MED12L: variants seen among roughly 807,000 people sequenced by gnomAD.
MED12L encodes mediator of RNA polymerase II transcription subunit 12-like protein.
In MED12L, 60 loss-of-function variants were observed where a neutral mutation model predicts 281.3. The ratio of observed to expected loss-of-function variants is 0.21; its 90% CI spans 0.17 to 0.26. MED12L has a LOEUF of 0.26. MED12L is among the 10% of genes least tolerant of loss of function. The pLI, the probability that MED12L is intolerant of heterozygous loss-of-function variation, is 1.00. For missense variants in MED12L, 2,146 were observed against 2,680.9 expected (o/e 0.80, Z 4.41); for synonymous variants, 974 against 987.2 (o/e 0.99, Z 0.25).
At chr3:151,400,855 C>G (rs1351423480) in intron 39 of MED12L, among the ~76,000 whole-genome samples, 3 of 152,164 alleles carry the variant, frequency 2.0e-5, no homozygotes, top group Non-Finnish European at 4.4e-5. Flanking sequence ...GTAATAATCA[C>G]TAATGCACTT....
intron 16 of MED12L, among the ~76,000 whole-genome samples, chr3:151,257,069 C>G (rs1005894507): frequency 6.6e-6 from 1 of 152,018 alleles, no homozygotes; most frequent in African/African-American, 2.4e-5. Context: ...TTCTGAGATA[C>G]AAGAAATGGT....
chr3:151,214,010 C>T (rs200825542), intron 16 of MED12L: 136 of 1,613,940 alleles, frequency 8.4e-5, no homozygotes, highest in Non-Finnish European at 1.0e-4. Context: ...TACATGTTGA[C>T]GTAGAAGAGC....
intron 16 of MED12L, 127 bp from the exon 17 acceptor site, chr3:151,349,932 G>T: frequency 2.9e-6 from 2 of 681,138 alleles, no homozygotes. Flanking sequence ...GAGGTGAATT[G>T]AAGGGAGGGC....
At chr3:151,295,155 C>T in intron 16 of MED12L, 1 of 1,613,202 alleles carries the variant, frequency 6.2e-7, no homozygotes, top group Non-Finnish European at 8.5e-7. Flanking sequence ...GTGTTCTTTC[C>T]TGGCCCGTCG....
At position 151,240,113 on chromosome 3, in the gene MED12L, C is replaced by T. The variant is rs540414393; in HGVS notation, c.2250+46447C>T. ...GCCCCTGACCTGTAATTCCAGGCTC[C>T]ATAACTGTCAGGACCATTGTTCTGG... is the stretch of plus-strand genomic sequence containing the variant. On this transcript the variant is annotated intron_variant, in intron 16 of 44. Transcript: ENST00000687756. Among the ~76,000 whole-genome samples, 5 of 152,026 alleles carry T rather than the reference C, an allele frequency of 3.3e-5. No homozygotes were observed. In the East Asian group the frequency reaches 9.7e-4, roughly 29 times the overall value.
At chr3:151,355,006 A>G (rs1231378583) in intron 17 of MED12L, 115 bp from the exon 18 acceptor site, 6 of 745,618 alleles carry the variant, frequency 8.0e-6, no homozygotes, top group Admixed American at 4.9e-5. Context: ...ATTGAAATTC[A>G]TAGAATTTGT....
chr3:151,355,467 C>T (rs545585778), intron 18 of MED12L, among the ~76,000 whole-genome samples: 1 of 152,084 alleles, frequency 6.6e-6, no homozygotes, highest in African/African-American at 2.4e-5. Flanking sequence ...TAATCGGTGA[C>T]ATATAAAGTA....
chr3:151,116,013 G>A (rs1167755355), intron 2 of MED12L, among the ~76,000 whole-genome samples: 3 of 142,010 alleles, frequency 2.1e-5, no homozygotes, highest in East Asian at 4.2e-4. Context: ...GCAGTAAGCC[G>A]AGATTGCGCC....
intron 2 of MED12L, among the ~76,000 whole-genome samples, chr3:151,109,322 G>A (rs1711519475): frequency 6.6e-6 from 1 of 152,214 alleles, no homozygotes; most frequent in African/African-American, 2.4e-5. Context: ...CTCCCAAAGT[G>A]CGTGAGCCAC....
Position 151,185,454 on chromosome 3 carries a change from A to C in MED12L, c.1619A>C (p.Glu540Ala). 1 of 1,613,860 alleles carries C rather than the reference A, an allele frequency of 6.2e-7. No individual in the cohort carries two copies. The highest frequency in any genetic ancestry group is 8.5e-7 in the Non-Finnish European group (1 of 1,179,892). Residue 540 changes from glutamate (E) to alanine (A), a missense_variant, in exon 12 of 45, where the codon GAG (glutamate) becomes GCG (alanine). Around this residue, in one of 9 missense-constraint regions of MED12L, gnomAD observed 722 missense variants for 861.2 expected, o/e 0.84. Coordinates refer to ENST00000687756, the MANE Select transcript of MED12L (RefSeq NM_001393769.1). ...CTGGAGAAGAGGCAAGCAGAAATTG[A>C]GGCAGAGGTAGGTTCCATTTTCTTT... The part of the protein sequence containing the change: ...KLLEKRQAEI[E>A]AERCGESEVL...
intron 4 of MED12L, among the ~76,000 whole-genome samples, chr3:151,125,327 C>G (rs1714342832): frequency 6.6e-6 from 1 of 152,222 alleles, no homozygotes; most frequent in Non-Finnish European, 1.5e-5. Context: ...TGATTTGCAT[C>G]AGCCAGTTCT....
At chr3:151,129,703 AT>A (rs564032444) in intron 5 of MED12L, among the ~76,000 whole-genome samples, 232 of 132,252 alleles carry the variant, frequency 1.8e-3, no homozygotes, top group Non-Finnish European at 3.1e-3. Flanking sequence ...ATATTTCTTC[AT>A]ATATCTACAT....
rs111548897 is a variant in MED12L at position 151,384,970 on chromosome 3, T to C, written c.4927-60T>C. On this transcript the variant is annotated intron_variant, in intron 35 of 44. Transcript: ENST00000687756. ...AGGGGAACTTCCTTCTGGTTAACTT[T>C]TGCCTTCATTGTAATTTCTGTCCCA... 6.7e-3 allele frequency: 6,077 copies of C among 906,048 alleles called. 41 individuals are homozygous for C. Among genetic ancestry groups the C allele is most frequent in the South Asian group, 9.1e-3 (659 of 72,478 alleles). The allele number at this position is 906,048 out of a possible 1,614,324, so 56.1% of individuals were successfully genotyped here.
intron 11 of MED12L, among the ~76,000 whole-genome samples, chr3:151,182,440 T>G (rs1006814257): frequency 2.0e-5 from 3 of 152,232 alleles, no homozygotes; most frequent in Non-Finnish European, 4.4e-5. Context: ...CATTTTCAGA[T>G]AGCAGCATTC....
intron 39 of MED12L, among the ~76,000 whole-genome samples, chr3:151,398,143 A>G (rs867486692): frequency 3.6e-4 from 55 of 152,230 alleles, no homozygotes; most frequent in African/African-American, 1.2e-3. Flanking sequence ...AAAGTTTCTT[A>G]GTAGCCTTAA....
chr3:151,165,483 C>G lies in MED12L; in HGVS notation c.1321C>G (p.Arg441Gly). The G allele has an allele frequency of 6.2e-7, 1 of 1,613,944 alleles. No individual in the cohort carries two copies. The highest frequency in any genetic ancestry group is 8.5e-7 in the Non-Finnish European group (1 of 1,179,882). Residue 441 changes from arginine (R) to glycine (G), a missense_variant, in exon 10 of 45, where the codon CGG becomes GGG. By Grantham distance (125) the Arg-to-Gly change is moderately radical. Around this residue, in one of 9 missense-constraint regions of MED12L, gnomAD observed 722 missense variants for 861.2 expected, o/e 0.84. Transcript: ENST00000687756. ...IKQRGRAVEV[R>G]WSFDKCQEST... is the part of the protein sequence containing the mutation. ...ACAAAGAGGCCGTGCAGTGGAAGTT[C>G]GGTGGTCATTTGACAAGTGCCAAGA...
chr3:151,215,755 T>G (rs1303981574), intron 16 of MED12L, among the ~76,000 whole-genome samples: 1 of 152,230 alleles, frequency 6.6e-6, no homozygotes, highest in Admixed American at 6.5e-5. Flanking sequence ...GTCCTTGCCC[T>G]CAGGAGAATG....
intron 16 of MED12L, among the ~76,000 whole-genome samples, chr3:151,270,926 G>A (rs1740825394): frequency 6.6e-6 from 1 of 151,690 alleles, no homozygotes; most frequent in Non-Finnish European, 1.5e-5. Flanking sequence ...TTATTTCACT[G>A]GAAAGGAAAG....
intron 16 of MED12L, among the ~76,000 whole-genome samples, chr3:151,207,394 T>C (rs1177412231): frequency 6.6e-6 from 1 of 152,238 alleles, no homozygotes; most frequent in African/African-American, 2.4e-5. Flanking sequence ...AATCCGGGTA[T>C]TGTAATGCTC....
Sources: allele counts gnomAD v4.1 joint callset (sites outside exome capture counted in the v4.1 genomes callset), GRCh38; gene constraint gnomAD v4.1.1; regional missense constraint gnomAD v4.1.1; transcripts MANE v1.5; gene names NCBI Gene and HGNC (gene_info 2026-07-23, HGNC 2026-07-21).